The following RBFOX1 variants were observed in gnomAD, a reference collection of about 807,000 sequenced individuals.
RBFOX1 encodes the protein RNA binding protein fox-1 homolog 1.
In RBFOX1, 8 loss-of-function variants were observed where a neutral mutation model predicts 57.7. The observed-to-expected ratio is 0.14, with a 90% CI of 0.08 to 0.25. The LOEUF (loss-of-function observed/expected upper bound fraction) is 0.25, where lower values mean the gene tolerates loss of function less well. Among genes scored for constraint, RBFOX1 ranks in the 10% least tolerant of loss-of-function variants. The pLI is 1.00. For synonymous variants in RBFOX1, 326 were observed against 222.4 expected, an observed-to-expected ratio of 1.47 and a Z score of -4.15; for missense variants, 611 against 548.5, an observed-to-expected ratio of 1.11 and a Z score of -1.14.
intron 1 of RBFOX1, among the ~76,000 whole-genome samples, chr16:5,345,098 G>C (rs759200636): frequency 6.6e-6 from 1 of 152,156 alleles, no homozygotes; most frequent in Non-Finnish European, 1.5e-5. Context: ...CCATCGTGAA[G>C]ACATCGTTGT....
intron 1 of RBFOX1, among the ~76,000 whole-genome samples, chr16:5,320,516 G>A (rs1435645851): frequency 6.6e-6 from 1 of 152,190 alleles, no homozygotes; most frequent in East Asian, 1.9e-4. Context: ...GAAGGCTCCG[G>A]AGTCTCCATA....
At chr16:7,357,200 G>C (rs1470378839) in intron 4 of RBFOX1, among the ~76,000 whole-genome samples, 1 of 149,050 alleles carries the variant, frequency 6.7e-6, no homozygotes, top group Non-Finnish European at 1.5e-5. Flanking sequence ...ACGCAGTTTT[G>C]AAATCATCCT....
intron 4 of RBFOX1, among the ~76,000 whole-genome samples, chr16:7,251,405 G>A (rs536344995): frequency 2.3e-5 from 3 of 127,942 alleles, no homozygotes; most frequent in African/African-American, 6.0e-5. Context: ...ACTTCTGTCC[G>A]TTTTTTTTTT....
At chr16:5,965,740 T>C (rs1194758312) in intron 4 of RBFOX1, among the ~76,000 whole-genome samples, 1 of 152,192 alleles carries the variant, frequency 6.6e-6, no homozygotes, top group Admixed American at 6.5e-5. Flanking sequence ...TGAGTGAGGA[T>C]ATTTTTCTGG....
At chr16:7,208,742 C>T (rs1301908051) in intron 4 of RBFOX1, among the ~76,000 whole-genome samples, 1 of 152,088 alleles carries the variant, frequency 6.6e-6, no homozygotes, top group African/African-American at 2.4e-5. Flanking sequence ...GAGGCTGAAG[C>T]AAGAAGATTA....
chr16:6,709,121 A>G (rs2063299670), intron 3 of RBFOX1, among the ~76,000 whole-genome samples: 1 of 152,236 alleles, frequency 6.6e-6, no homozygotes, highest in African/African-American at 2.4e-5. Flanking sequence ...ATATAAATGT[A>G]ACAGAAAGTA....
At chr16:7,379,409 T>C (rs1405419836) in intron 4 of RBFOX1, among the ~76,000 whole-genome samples, 1 of 152,214 alleles carries the variant, frequency 6.6e-6, no homozygotes, top group African/African-American at 2.4e-5. Flanking sequence ...AGAACACTTG[T>C]GTGCAATGGA....
intron 5 of RBFOX1, among the ~76,000 whole-genome samples, chr16:7,561,943 A>C (rs778918180): frequency 3.9e-5 from 6 of 152,148 alleles, no homozygotes; most frequent in Non-Finnish European, 5.9e-5. Context: ...TTTGTGTTAA[A>C]TTGATGTATA....
chr16:5,300,254 T>C (rs1436952098), intron 1 of RBFOX1, among the ~76,000 whole-genome samples: 1 of 152,202 alleles, frequency 6.6e-6, no homozygotes, highest in Non-Finnish European at 1.5e-5. Context: ...GGTATTGATG[T>C]ATTTTTTCTT....
At chr16:6,504,036 C>T (rs1202378495) in intron 2 of RBFOX1, among the ~76,000 whole-genome samples, 2 of 152,144 alleles carry the variant, frequency 1.3e-5, no homozygotes, top group Non-Finnish European at 1.5e-5. Context: ...TCTTTCTTAT[C>T]TTTTATTGTT....
At chr16:5,727,531 A>G (rs1416836773) in intron 3 of RBFOX1, among the ~76,000 whole-genome samples, 2 of 152,314 alleles carry the variant, frequency 1.3e-5, no homozygotes, top group East Asian at 1.9e-4. Flanking sequence ...CAAATGTACA[A>G]TACAGTGCTA....
chr16:6,595,221 C>G (rs11644222), intron 2 of RBFOX1, among the ~76,000 whole-genome samples: 15,083 of 152,200 alleles, frequency 0.099, 1,909 homozygotes, highest in African/African-American at 0.3. Flanking sequence ...TACACCCTTA[C>G]CCCACCCTGT....
At chr16:6,596,133 A>T (rs1018621642) in intron 2 of RBFOX1, among the ~76,000 whole-genome samples, 1 of 152,052 alleles carries the variant, frequency 6.6e-6, no homozygotes, top group Non-Finnish European at 1.5e-5. Flanking sequence ...GATACAGTCC[A>T]ATTTATTTTT....
At chr16:7,099,567 G>T (rs2062302876) in intron 4 of RBFOX1, among the ~76,000 whole-genome samples, 1 of 152,144 alleles carries the variant, frequency 6.6e-6, no homozygotes, top group Non-Finnish European at 1.5e-5. Context: ...TTTTGCTGAG[G>T]TTAAGGTTGC....
chr16:7,181,506 C>T (rs1015934314), intron 4 of RBFOX1, among the ~76,000 whole-genome samples: 1 of 151,722 alleles, frequency 6.6e-6, no homozygotes, highest in Non-Finnish European at 1.5e-5. Flanking sequence ...TTCCTTCCTT[C>T]TTCCCTCCCT....
chr16:7,676,000 C>A (rs2073162110), intron 13 of RBFOX1, among the ~76,000 whole-genome samples: 1 of 152,222 alleles, frequency 6.6e-6, no homozygotes, highest in African/African-American at 2.4e-5. Context: ...TTTGCTCGTC[C>A]TCTTTGCTTA....
At chr16:6,076,628 T>C (rs993330621) in intron 1 of RBFOX1, among the ~76,000 whole-genome samples, 2 of 135,170 alleles carry the variant, frequency 1.5e-5, no homozygotes, top group Non-Finnish European at 3.5e-5. Context: ...ACTCTTAACC[T>C]GGGAAATCTA....
At chr16:6,568,143 C>G (rs1224171145) in intron 2 of RBFOX1, among the ~76,000 whole-genome samples, 2 of 152,134 alleles carry the variant, frequency 1.3e-5, no homozygotes, top group African/African-American at 4.8e-5. Context: ...ACAAATTACT[C>G]CCAAAGTTAG....
intron 2 of RBFOX1, among the ~76,000 whole-genome samples, chr16:6,625,839 C>G (rs1239361431): frequency 6.6e-6 from 1 of 152,182 alleles, no homozygotes; most frequent in Non-Finnish European, 1.5e-5. Context: ...TCTACATTTG[C>G]AGCATTTAAT....
Sources: gnomAD v4.1 joint callset for allele counts (sites outside exome capture counted in the v4.1 genomes callset) on GRCh38, gnomAD v4.1.1 for gene constraint, MANE v1.5 for transcripts, NCBI Gene and HGNC (gene_info 2026-07-23, HGNC 2026-07-21) for gene names.